ITGB3: variants seen among roughly 807,000 people sequenced by gnomAD.
ITGB3 encodes integrin beta-3.
Under a neutral mutation model 85.8 loss-of-function variants are expected in ITGB3, and 48 were observed. The observed-to-expected ratio is 0.56, with a 90% confidence interval of 0.44 to 0.71. ITGB3 has a LOEUF of 0.71. Ranked by LOEUF, ITGB3 falls within the 30% of genes least tolerant of loss-of-function variation. The pLI is 0.00. For synonymous variants in ITGB3, 363 were observed against 395.6 expected, an observed-to-expected ratio of 0.92 and a Z score of 0.98; for missense variants, 861 against 1,019.1, an observed-to-expected ratio of 0.84 and a Z score of 2.11.
chr17:47,291,382 A>G (rs568067083), intron 9 of ITGB3: 2 of 571,624 alleles, frequency 3.5e-6, no homozygotes, highest in South Asian at 2.4e-5. Flanking sequence ...GCAAAGGAAA[A>G]TATTTCTTTA....
In ITGB3 at chr17:47,300,346, C is replaced by CGCGCGT. The variant is rs377375532; in HGVS notation, c.1914-131_1914-130insCGCGTG. 1.6e-4 allele frequency: 99 copies of CGCGCGT among 619,826 alleles called. 1 individual carries two copies. Among genetic ancestry groups the CGCGCGT allele is most frequent in the African/African-American group, 1.2e-3 (67 of 54,086 alleles). 38.4% of individuals were successfully genotyped at this position (619,826 alleles called of 1,614,324 possible). The stretch of plus-strand genomic sequence containing the variant: ...GGATTGTCTTACAGGCGCGCGCGCG[C>CGCGCGT]GTGTGTGTGTGTGTGTGTGTGTTTT... On this transcript the variant is annotated intron_variant, in intron 11 of 14. Transcript: ENST00000559488.
In ITGB3 at chr17:47,253,940, GGTGA is replaced by G; in HGVS notation, c.79+6_79+9del. The G allele has an allele frequency of 2.1e-6, 3 of 1,418,758 alleles. No homozygotes were observed. The highest frequency in any genetic ancestry group is 2.8e-6 in the Non-Finnish European group (3 of 1,080,122). 87.9% of individuals were successfully genotyped at this position (1,418,758 alleles called of 1,614,324 possible). A position where few individuals can be genotyped will look rare whatever the true frequency, so the allele number is the denominator to read the frequency against. On this transcript the variant is annotated splice_donor_variant and splice_donor_region_variant and intron_variant, in intron 1 of 14. Transcript: ENST00000559488. LOFTEE classifies it high-confidence loss of function. ...GGCGCTGGCGGGCGTTGGCGTAGGA[GGTGA>G]GTGAGGCTCCGGCTCGGCAGCGTCG...
At chr17:47,293,748 T>C (rs2065136071) in intron 10 of ITGB3, among the ~76,000 whole-genome samples, 1 of 152,082 alleles carries the variant, frequency 6.6e-6, no homozygotes, top group South Asian at 2.1e-4. Flanking sequence ...GTTGGGACTA[T>C]AGGCATGCGC....
At chr17:47,304,570 G>A (rs1419945263) in intron 13 of ITGB3, among the ~76,000 whole-genome samples, 1 of 152,092 alleles carries the variant, frequency 6.6e-6, no homozygotes, top group Non-Finnish European at 1.5e-5. Flanking sequence ...ATTCAGATTT[G>A]TCTTGGCTTC....
At chr17:47,278,830 A>T (rs1209084563) in intron 2 of ITGB3, among the ~76,000 whole-genome samples, 2 of 152,128 alleles carry the variant, frequency 1.3e-5, no homozygotes, top group Non-Finnish European at 2.9e-5. Flanking sequence ...TTCACTCCTT[A>T]TGAGGATCAA....
At chr17:47,293,663 CA>C (rs1333437554) in intron 10 of ITGB3, among the ~76,000 whole-genome samples, 1 of 151,644 alleles carries the variant, frequency 6.6e-6, no homozygotes, top group Non-Finnish European at 1.5e-5. Flanking sequence ...GGCTGGAGTG[CA>C]GTGGTGCGAT....
chr17:47,275,891 G>A (rs1012106064), intron 2 of ITGB3, among the ~76,000 whole-genome samples: 4 of 152,172 alleles, frequency 2.6e-5, no homozygotes, highest in African/African-American at 7.2e-5. Flanking sequence ...CCCCACCCCC[G>A]CAGGTTCTCC....
intron 11 of ITGB3, 134 bp from the exon 12 acceptor site, chr17:47,300,344 C>CGTGTGTGTGTGTGTGTGTGTGTGT (rs879063347): frequency 1.5e-6 from 1 of 673,712 alleles, no homozygotes; most frequent in Non-Finnish European, 2.6e-6. Context: ...GGCGCGCGCG[C>CGTGTGTGTGTGTGTGTGTGTGTGT]GCGTGTGTGT....
rs911347579 is a variant in ITGB3 at position 47,275,765 on chromosome 17, G to A, written c.165+1261G>A. 5.9e-5 allele frequency among the ~76,000 whole-genome samples: 9 copies of A among 152,360 alleles called. No homozygotes were observed. In the South Asian group the frequency reaches 1.9e-3, roughly 32 times the overall value. ...TTGGCCTCTTTGCCGTTCAGCACGGGAACTGCTTCCAGAGGCAGCTGCCCA... is the reference window on the plus strand; with the variant it reads ...TTGGCCTCTTTGCCGTTCAGCACGGAAACTGCTTCCAGAGGCAGCTGCCCA... On this transcript the variant is annotated intron_variant, in intron 2 of 14. Coordinates refer to ENST00000559488, the MANE Select transcript of ITGB3 (RefSeq NM_000212.3).
intron 2 of ITGB3, among the ~76,000 whole-genome samples, chr17:47,276,971 G>T (rs1341511249): frequency 6.6e-6 from 1 of 152,130 alleles, no homozygotes; most frequent in African/African-American, 2.4e-5. Flanking sequence ...AAAACAACTG[G>T]TTGGGCTCGG....
At chr17:47,290,353 TC>T in intron 8 of ITGB3, 79 bp downstream of exon 8, 2 of 1,213,866 alleles carry the variant, frequency 1.6e-6, no homozygotes, top group Non-Finnish European at 2.4e-6. Context: ...GATTTGTGAG[TC>T]CCAGTTGCCA....
chr17:47,284,798 T>A (rs1943729911), intron 4 of ITGB3, 103 bp downstream of exon 4: 16 of 1,479,668 alleles, frequency 1.1e-5, no homozygotes, highest in Non-Finnish European at 1.4e-5. Flanking sequence ...GGCTGTCTTC[T>A]TGCCAAACTA....
rs541588262 is a variant in ITGB3 at position 47,276,293 on chromosome 17, C to G, written c.165+1789C>G. Among the ~76,000 whole-genome samples, 8 of 152,332 alleles carry G rather than the reference C, an allele frequency of 5.3e-5. No homozygotes were observed. The South Asian group carries it at 1.2e-3, about 24-fold the overall frequency. On this transcript the variant is annotated intron_variant, in intron 2 of 14. Transcript: ENST00000559488. ...TCATCCCTCTTGATCTGTATAGGGA[C>G]TAGCCATGCAGCTGAGGTGGGCTGG...
At chr17:47,281,432 C>G (rs2065083504) in intron 2 of ITGB3, among the ~76,000 whole-genome samples, 3 of 152,242 alleles carry the variant, frequency 2.0e-5, no homozygotes. Flanking sequence ...ACTGAAAACA[C>G]TGTGTCATCT....
chr17:47,298,755 G>A (rs926493950), intron 10 of ITGB3, among the ~76,000 whole-genome samples: 7 of 152,214 alleles, frequency 4.6e-5, no homozygotes, highest in African/African-American at 1.7e-4. Context: ...GACGACAATG[G>A]TAGTAGGCCT....
chr17:47,280,273 G>T (rs1456202524), intron 2 of ITGB3, among the ~76,000 whole-genome samples: 1 of 152,216 alleles, frequency 6.6e-6, no homozygotes, highest in African/African-American at 2.4e-5. Flanking sequence ...CGTGGGGAAG[G>T]CTTCAGCCCA....
At chr17:47,276,786 CT>C (rs2065065493) in intron 2 of ITGB3, among the ~76,000 whole-genome samples, 1 of 152,126 alleles carries the variant, frequency 6.6e-6, no homozygotes, top group African/African-American at 2.4e-5. Flanking sequence ...AGGGCTTCCC[CT>C]GGATAGGCCA....
rs758734981 is a variant in ITGB3, at chr17:47,292,123, C to T, written c.1261-16C>T. 1.2e-6 allele frequency: 2 copies of T among 1,613,852 alleles called. No individual in the cohort carries two copies. The highest frequency in any genetic ancestry group is 2.2e-5 in the South Asian group (2 of 91,064). On this transcript the variant is annotated splice_polypyrimidine_tract_variant and intron_variant, in intron 9 of 14. Coordinates refer to ENST00000559488, the MANE Select transcript of ITGB3 (RefSeq NM_000212.3). The stretch of plus-strand genomic sequence containing the variant: ...GGGCCCAACTGTGTCTAAATACAAT[C>T]TTTCTTTCCATCCAGGTGAGCTTCA...
At chr17:47,260,839 A>G (rs1370891904) in intron 1 of ITGB3, among the ~76,000 whole-genome samples, 1 of 151,910 alleles carries the variant, frequency 6.6e-6, no homozygotes, top group Non-Finnish European at 1.5e-5. Context: ...ATTGTTTGAA[A>G]TTGACAAATA....
Sources: allele counts gnomAD v4.1 joint callset (sites outside exome capture counted in the v4.1 genomes callset), GRCh38; gene constraint gnomAD v4.1.1; transcripts MANE v1.5; gene names NCBI Gene and HGNC (gene_info 2026-07-23, HGNC 2026-07-21).